GRIP1: variants seen among roughly 807,000 people sequenced by gnomAD.
The protein encoded by GRIP1 is glutamate receptor-interacting protein 1.
GRIP1 carries 45 observed loss-of-function variants against 129.9 expected under a neutral mutation model. The observed-to-expected ratio is 0.35, with a 90% CI of 0.27 to 0.44. The LOEUF (loss-of-function observed/expected upper bound fraction) is 0.44, where lower values mean the gene tolerates loss of function less well. GRIP1 is among the 20% of genes least tolerant of loss of function. The pLI is 1.00. For synonymous variants in GRIP1, 530 were observed against 520.8 expected (o/e 1.02, Z -0.24); for missense variants, 1,196 against 1,396.8 (o/e 0.86, Z 2.29).
intron 7 of GRIP1, among the ~76,000 whole-genome samples, chr12:66,491,571 C>T (rs1269253905): frequency 2.0e-5 from 3 of 152,080 alleles, no homozygotes; most frequent in African/African-American, 7.2e-5. Flanking sequence ...CCATGGCACA[C>T]ATTTACCTAT....
intron 7 of GRIP1, among the ~76,000 whole-genome samples, chr12:66,469,761 C>T (rs557826267): frequency 6.6e-6 from 1 of 152,292 alleles, no homozygotes; most frequent in Admixed American, 6.5e-5. Flanking sequence ...CCCACAGTTT[C>T]ACTTACCTCA....
At chr12:66,374,006 C>T (rs2055662157) in intron 22 of GRIP1, among the ~76,000 whole-genome samples, 1 of 152,130 alleles carries the variant, frequency 6.6e-6, no homozygotes, top group South Asian at 2.1e-4. Flanking sequence ...TCATATAAAA[C>T]TTCCTTTTTA....
At chr12:66,614,337 C>T (rs1446336636) in intron 1 of GRIP1, among the ~76,000 whole-genome samples, 1 of 151,996 alleles carries the variant, frequency 6.6e-6, no homozygotes, top group Non-Finnish European at 1.5e-5. Flanking sequence ...TAACATGTCC[C>T]AAACAGAACT....
chr12:66,533,497 T>C (rs1408170184), intron 4 of GRIP1, among the ~76,000 whole-genome samples: 1 of 151,930 alleles, frequency 6.6e-6, no homozygotes, highest in East Asian at 2.0e-4. Flanking sequence ...ATATAAAAAT[T>C]AGCCGGACAT....
chr12:66,704,659 T>A (rs1297363996), intron 1 of GRIP1, among the ~76,000 whole-genome samples: 1 of 152,118 alleles, frequency 6.6e-6, no homozygotes, highest in Admixed American at 6.6e-5. Context: ...TAACAGAGTA[T>A]CACTTTCCCA....
chr12:66,439,149 T>C (rs1359132655), intron 13 of GRIP1, among the ~76,000 whole-genome samples: 1 of 152,182 alleles, frequency 6.6e-6, no homozygotes, highest in African/African-American at 2.4e-5. Context: ...GCATGTGCAA[T>C]TCAGCTAGTT....
intron 5 of GRIP1, among the ~76,000 whole-genome samples, chr12:66,524,870 T>C (rs1367799400): frequency 6.6e-6 from 1 of 152,076 alleles, no homozygotes; most frequent in Non-Finnish European, 1.5e-5. Flanking sequence ...CCCAAAGAAA[T>C]ACAAACTACC....
chr12:66,876,698 T>A (rs1367632191), intron 1 of GRIP1, among the ~76,000 whole-genome samples: 1 of 151,952 alleles, frequency 6.6e-6, no homozygotes. Context: ...GATGCACAAC[T>A]GGGGCAGCAA....
At chr12:66,618,888 A>G (rs2065151780) in intron 1 of GRIP1, among the ~76,000 whole-genome samples, 1 of 152,160 alleles carries the variant, frequency 6.6e-6, no homozygotes, top group Admixed American at 6.6e-5. Flanking sequence ...CTATCACGTC[A>G]TCTTGGTAGG....
At chr12:66,579,492 G>C (rs1039213326) in intron 2 of GRIP1, among the ~76,000 whole-genome samples, 1 of 152,102 alleles carries the variant, frequency 6.6e-6, no homozygotes, top group African/African-American at 2.4e-5. Flanking sequence ...CAAAGGCAAA[G>C]AAGTTAAAAA....
At chr12:66,559,712 T>G (rs1241521386) in intron 2 of GRIP1, among the ~76,000 whole-genome samples, 1 of 152,086 alleles carries the variant, frequency 6.6e-6, no homozygotes, top group Non-Finnish European at 1.5e-5. Flanking sequence ...GTTCATGGAT[T>G]GGAAGAATCA....
intron 1 of GRIP1, among the ~76,000 whole-genome samples, chr12:66,830,230 C>T (rs1202288309): frequency 6.6e-6 from 1 of 152,106 alleles, no homozygotes; most frequent in Non-Finnish European, 1.5e-5. Flanking sequence ...CCGCGATGCC[C>T]AGAACCTGTG....
intron 1 of GRIP1, among the ~76,000 whole-genome samples, chr12:66,663,736 A>G (rs1337923627): frequency 6.6e-6 from 1 of 152,230 alleles, no homozygotes; most frequent in Non-Finnish European, 1.5e-5. Flanking sequence ...TATGAACTCT[A>G]AAGCGTGTGT....
chr12:66,909,793 C>A (rs549221084), intron 1 of GRIP1, among the ~76,000 whole-genome samples: 7 of 152,258 alleles, frequency 4.6e-5, no homozygotes, highest in Non-Finnish European at 8.8e-5. Flanking sequence ...CTAGCTATTT[C>A]TCTTCTAATA....
At chr12:66,594,327 GAGA>G (rs2063961824) in intron 2 of GRIP1, among the ~76,000 whole-genome samples, 1 of 152,124 alleles carries the variant, frequency 6.6e-6, no homozygotes. Flanking sequence ...GTGAGCACAG[GAGA>G]AGGAGACTAA....
intron 1 of GRIP1, among the ~76,000 whole-genome samples, chr12:66,937,852 G>A (rs571230875): frequency 9.9e-5 from 15 of 152,108 alleles, no homozygotes; most frequent in Non-Finnish European, 2.1e-4. Context: ...ACAACAAACA[G>A]GTGGTATAAG....
intron 2 of GRIP1, among the ~76,000 whole-genome samples, chr12:66,579,800 C>T (rs553028935): frequency 0.013 from 1,977 of 151,284 alleles, 21 homozygotes; most frequent in Non-Finnish European, 0.021. Context: ...GTGAAAGTGA[C>T]GGGGAGAATG....
At chr12:66,762,404 G>A (rs2037504121) in intron 1 of GRIP1, among the ~76,000 whole-genome samples, 1 of 152,084 alleles carries the variant, frequency 6.6e-6, no homozygotes, top group Non-Finnish European at 1.5e-5. Context: ...GAAAAACAAG[G>A]GGATGGAGCT....
intron 1 of GRIP1, among the ~76,000 whole-genome samples, chr12:67,027,608 G>A (rs1049540904): frequency 1.3e-5 from 2 of 152,346 alleles, no homozygotes; most frequent in Admixed American, 6.5e-5. Context: ...TAGAAGCACA[G>A]AGTGCATGAA....
Sources: gnomAD v4.1 joint callset for allele counts (sites outside exome capture counted in the v4.1 genomes callset) on GRCh38, gnomAD v4.1.1 for gene constraint, MANE v1.5 for transcripts, NCBI Gene and HGNC (gene_info 2026-07-23, HGNC 2026-07-21) for gene names.